Variants in VAC14 observed in about 807,000 individuals in gnomAD.
VAC14 encodes protein VAC14 homolog.
A neutral mutation model predicts 85.3 loss-of-function variants in VAC14; 47 were observed. The ratio of observed to expected loss-of-function variants is 0.55; its 90% CI spans 0.44 to 0.70. The LOEUF (loss-of-function observed/expected upper bound fraction) is 0.70, where lower values mean the gene tolerates loss of function less well. VAC14 is among the 30% of genes least tolerant of loss of function. The pLI is 0.00. For missense variants in VAC14, 861 were observed against 1,004.3 expected, an observed-to-expected ratio of 0.86 and a Z score of 1.93; for synonymous variants, 447 against 430.5, an observed-to-expected ratio of 1.04 and a Z score of -0.47.
chr16:70,696,909 C>T lies in VAC14; in HGVS notation c.1955+230G>A, dbSNP rs566503151. 7.9e-5 allele frequency: 37 copies of T among 469,232 alleles called. No individual in the cohort carries two copies. The Admixed American group carries it at 8.9e-4, about 11-fold the overall frequency. The allele number at this position is 469,232 out of a possible 1,614,324, so 29.1% of individuals were successfully genotyped here. ...CAATCCCAACCCACAGGGTTTCTCC[C>T]GGGCCAGCTCCCCCTCCAAGAGCCC... On this transcript the variant is annotated intron_variant, in intron 16 of 18. Transcript: ENST00000261776.
At position 70,707,755 on chromosome 16, in the gene VAC14, G is replaced by A. The variant is rs532206427; in HGVS notation, c.1662-8944C>T. Among the ~76,000 whole-genome samples the A allele has an allele frequency of 3.3e-5, 5 of 151,880 alleles. No individual in the cohort carries two copies. In the East Asian group the frequency reaches 9.7e-4, roughly 29 times the overall value. On this transcript the variant is annotated intron_variant, in intron 14 of 18. Coordinates refer to ENST00000261776, the MANE Select transcript of VAC14 (RefSeq NM_018052.5). The stretch of plus-strand genomic sequence containing the variant: ...GGGGCTCTGCCTTCTCCTCAGAATG[G>A]AAGTCATCTTCTACCTTGGCCCATC...
At position 70,689,992 on chromosome 16, in the gene VAC14, G is replaced by A. The variant is rs114757195; in HGVS notation, c.2187-1902C>T. ...ACCCTAAAGTGTGTCTTCTGATGCT[G>A]GGCACCCACAGGTCTGTGCGTTGCT... On this transcript the variant is annotated intron_variant, in intron 18 of 18. Coordinates refer to ENST00000261776, the MANE Select transcript of VAC14 (RefSeq NM_018052.5). The A allele has an allele frequency of 6.3e-4, 625 of 985,422 alleles. 5 individuals are homozygous for A. The African/African-American group carries it at 9.0e-3, about 14-fold the overall frequency. 61.0% of individuals were successfully genotyped at this position (985,422 alleles called of 1,614,324 possible).
At chr16:70,722,545 C>T (rs543697534) in intron 14 of VAC14, among the ~76,000 whole-genome samples, 2 of 152,278 alleles carry the variant, frequency 1.3e-5, no homozygotes, top group South Asian at 2.1e-4. Flanking sequence ...GAGAAGCGCA[C>T]GGGGCTGTCC....
intron 14 of VAC14, among the ~76,000 whole-genome samples, chr16:70,713,686 T>C (rs2054085475): frequency 6.6e-6 from 1 of 151,184 alleles, no homozygotes; most frequent in Non-Finnish European, 1.5e-5. Context: ...CCCACTCTCC[T>C]GCTCAGGAGC....
chr16:70,736,274 G>A (rs1282112351), intron 13 of VAC14, among the ~76,000 whole-genome samples: 1 of 152,260 alleles, frequency 6.6e-6, no homozygotes, highest in East Asian at 1.9e-4. Flanking sequence ...CTGCCGCACA[G>A]TCTGCACTCA....
At chr16:70,790,553 C>G (rs2034288380) in intron 1 of VAC14, among the ~76,000 whole-genome samples, 1 of 152,164 alleles carries the variant, frequency 6.6e-6, no homozygotes, top group African/African-American at 2.4e-5. Flanking sequence ...TTGAATGGCA[C>G]TTAGGAAGCT....
At chr16:70,785,658 G>A (rs976871537) in intron 3 of VAC14, 44 bp downstream of exon 3, 4 of 1,514,382 alleles carry the variant, frequency 2.6e-6, no homozygotes, top group Admixed American at 4.1e-5. Flanking sequence ...GTGAGGTGGG[G>A]GAACCAAGCG....
At position 70,762,533 on chromosome 16, in the gene VAC14, G is replaced by T. The variant is rs375711326; in HGVS notation, c.1371+7C>A. On this transcript the variant is annotated splice_region_variant and intron_variant, in intron 12 of 18. Coordinates refer to ENST00000261776, the MANE Select transcript of VAC14 (RefSeq NM_018052.5). This position sits in a 1 kb window ranked among gnomAD's most constrained non-coding sequence, Gnocchi z 4.1. ...TTCCATAAGTACGGGTGGCGTTGGT[G>T]ACCTACCTCATCCGATTCATCCGAT... is the stretch of plus-strand genomic sequence containing the variant. The T allele has an allele frequency of 1.2e-6, 2 of 1,614,002 alleles. No individual in the cohort carries two copies. Among genetic ancestry groups the T allele is most frequent in the South Asian group, 2.2e-5 (2 of 91,030 alleles).
intron 13 of VAC14, among the ~76,000 whole-genome samples, chr16:70,732,756 T>C (rs1947826332): frequency 1.3e-5 from 2 of 151,932 alleles, no homozygotes; most frequent in African/African-American, 4.8e-5. Context: ...TATCCTCTTG[T>C]CCCAGCCTCT....
At chr16:70,689,139 C>T (rs563039071) in intron 18 of VAC14, 1 of 978,982 alleles carries the variant, frequency 1.0e-6, no homozygotes, top group Non-Finnish European at 1.2e-6. Flanking sequence ...AACTCCACCG[C>T]TTCCTAGCGG....
chr16:70,776,763 T>C (rs1375431757), intron 9 of VAC14, among the ~76,000 whole-genome samples: 1 of 151,632 alleles, frequency 6.6e-6, no homozygotes, highest in Non-Finnish European at 1.5e-5. Flanking sequence ...TGTTTCAATT[T>C]TTTTTTTTTT....
In VAC14 at chr16:70,783,569, G is replaced by C; in HGVS notation, c.595-15C>G. The C allele has an allele frequency of 6.2e-7, 1 of 1,611,918 alleles. No homozygotes were observed. The highest frequency in any genetic ancestry group is 8.5e-7 in the Non-Finnish European group (1 of 1,179,320). ...AGAACCAGGATCTGACCAGGGGAAGGGAACAGGAGGGGAAGTCAGCTCCAG... is the reference window on the plus strand; with the variant it reads ...AGAACCAGGATCTGACCAGGGGAAGCGAACAGGAGGGGAAGTCAGCTCCAG... On this transcript the variant is annotated splice_polypyrimidine_tract_variant and intron_variant, in intron 5 of 18. Coordinates refer to ENST00000261776, the MANE Select transcript of VAC14 (RefSeq NM_018052.5).
At chr16:70,775,191 G>C (rs2033458138) in intron 9 of VAC14, among the ~76,000 whole-genome samples, 1 of 152,142 alleles carries the variant, frequency 6.6e-6, no homozygotes. Context: ...TTATATTGTT[G>C]TTCAAATGAT....
intron 14 of VAC14, among the ~76,000 whole-genome samples, chr16:70,720,305 T>A (rs1205031120): frequency 1.3e-5 from 2 of 152,214 alleles, no homozygotes; most frequent in South Asian, 4.1e-4. Flanking sequence ...ACACTCATGA[T>A]TTGTGCACTT....
intron 12 of VAC14, among the ~76,000 whole-genome samples, chr16:70,745,707 G>A (rs1173896123): frequency 6.6e-6 from 1 of 152,204 alleles, no homozygotes; most frequent in Non-Finnish European, 1.5e-5. Context: ...CCCAAAAGGT[G>A]TATCTCCAGG....
intron 17 of VAC14, among the ~76,000 whole-genome samples, chr16:70,694,743 G>GCC (rs1025726882): frequency 1.3e-5 from 2 of 152,238 alleles, no homozygotes; most frequent in Non-Finnish European, 2.9e-5. Flanking sequence ...AGCTGTGCTC[G>GCC]CCCCAGCCAG....
At position 70,780,812 on chromosome 16, in the gene VAC14, T is replaced by C; in HGVS notation, c.1074A>G (p.Pro358=). 1 of 1,608,070 alleles carries C rather than the reference T, an allele frequency of 6.2e-7. No individual in the cohort carries two copies. Among genetic ancestry groups the C allele is most frequent in the Admixed American group, 1.7e-5 (1 of 59,746 alleles). Residue 358 remains proline (P), a synonymous_variant, in exon 9 of 19, where the codon CCA becomes CCG. Transcript: ENST00000261776. The part of the protein sequence containing the change: ...QAEPTPDDAL[P]KQEGTASGGP... ...CACCACTGGCTGTGCCCTCCTGCTTTGGCAGGGCATCGTCAGGGGTGGGCT... is the reference window on the plus strand; with the variant it reads ...CACCACTGGCTGTGCCCTCCTGCTTCGGCAGGGCATCGTCAGGGGTGGGCT...
chr16:70,793,605 C>T (rs2034427683), intron 1 of VAC14, among the ~76,000 whole-genome samples: 1 of 152,202 alleles, frequency 6.6e-6, no homozygotes, highest in African/African-American at 2.4e-5. Flanking sequence ...TAACTCCAAT[C>T]CCATGTCATT....
chr16:70,794,856 G>A (rs1315314317), intron 1 of VAC14, among the ~76,000 whole-genome samples: 4 of 152,184 alleles, frequency 2.6e-5, no homozygotes, highest in Non-Finnish European at 5.9e-5. Context: ...GAGCCACTGG[G>A]TAATAAATAC....
Sources: allele counts gnomAD v4.1 joint callset (sites outside exome capture counted in the v4.1 genomes callset), GRCh38; gene constraint gnomAD v4.1.1; non-coding constraint Gnocchi (gnomAD v3.1); transcripts MANE v1.5; gene names NCBI Gene and HGNC (gene_info 2026-07-23, HGNC 2026-07-21).